LOC122455340: variants seen among roughly 807,000 people sequenced by gnomAD.
the LOC122455340 span, chr12:53,242,375 T>C: frequency 1.0e-5 from 4 of 397,694 alleles, no homozygotes; most frequent in South Asian, 5.1e-4. Context: ...CAGGCTCCCT[T>C]GGCTGCTGTA....
At chr12:53,242,359 G>C in the LOC122455340 span, 1 of 397,828 alleles carries the variant, frequency 2.5e-6, no homozygotes, top group Non-Finnish European at 4.4e-6. Flanking sequence ...GCTGCCTGGG[G>C]ACCTCCAGGC....
At chr12:53,242,613 T>C in the LOC122455340 span, 1 of 394,480 alleles carries the variant, frequency 2.5e-6, no homozygotes, top group African/African-American at 2.1e-5. Context: ...AGGGGGAATC[T>C]GCTTTGAAGT....
At chr12:53,241,925 G>A in the LOC122455340 span, 7 of 398,682 alleles carry the variant, frequency 1.8e-5, no homozygotes, top group African/African-American at 4.1e-5. Context: ...GCAGCTGAAT[G>A]GACTTCTCTC....
chr12:53,242,361 C>T, the LOC122455340 span: 3 of 397,802 alleles, frequency 7.5e-6, no homozygotes, highest in Non-Finnish European at 1.3e-5. Flanking sequence ...TGCCTGGGGA[C>T]CTCCAGGCTC....
the LOC122455340 span, chr12:53,242,218 T>C: frequency 2.5e-6 from 1 of 399,958 alleles, no homozygotes; most frequent in South Asian, 1.3e-4. Context: ...AACTCCTGTG[T>C]CTCATGCTCC....
At chr12:53,241,979 A>G in the LOC122455340 span, 1 of 398,998 alleles carries the variant, frequency 2.5e-6, no homozygotes, top group Non-Finnish European at 4.4e-6. Context: ...CTGCCCACCA[A>G]GAGCCTCCTG....
At chr12:53,242,703 C>T in the LOC122455340 span, 24 of 321,340 alleles carry the variant, frequency 7.5e-5, no homozygotes, top group African/African-American at 4.7e-4. Context: ...TTCTCAGAGC[C>T]TCCCCCACGG....
At chr12:53,242,461 G>C in the LOC122455340 span, 1 of 398,332 alleles carries the variant, frequency 2.5e-6, no homozygotes, top group Non-Finnish European at 4.4e-6. Flanking sequence ...TGCCCACCAG[G>C]AGACTGTCAG....
chr12:53,242,049 T>G, the LOC122455340 span: 1 of 399,894 alleles, frequency 2.5e-6, no homozygotes, highest in Non-Finnish European at 4.4e-6. Flanking sequence ...CCCATCTGCC[T>G]GTGCCTTCCC....
chr12:53,242,063 C>T, the LOC122455340 span: 16 of 400,464 alleles, frequency 4.0e-5, no homozygotes, highest in East Asian at 5.7e-4. Context: ...CCTTCCCCTG[C>T]CATGGCTGTC....
the LOC122455340 span, chr12:53,242,406 C>T: frequency 2.5e-6 from 1 of 397,146 alleles, no homozygotes; most frequent in South Asian, 1.3e-4. Flanking sequence ...CAGGGGACAA[C>T]AACGCACTTC....
chr12:53,242,086 G>C, the LOC122455340 span: 1 of 397,632 alleles, frequency 2.5e-6, no homozygotes, highest in African/African-American at 2.1e-5. Context: ...CCACCCCCAT[G>C]CTCCTGCACT....
the LOC122455340 span, chr12:53,242,240 G>C: frequency 2.5e-6 from 1 of 399,930 alleles, no homozygotes; most frequent in Admixed American, 4.4e-5. Flanking sequence ...GTCCACCCTT[G>C]ACCTGCTGCC....
chr12:53,242,231 T>C, the LOC122455340 span: 19 of 400,014 alleles, frequency 4.7e-5, no homozygotes, highest in African/African-American at 3.3e-4. Context: ...CATGCTCCGG[T>C]CCACCCTTGA....
At chr12:53,242,368 G>A in the LOC122455340 span, 2 of 397,718 alleles carry the variant, frequency 5.0e-6, no homozygotes, top group Non-Finnish European at 8.8e-6. Flanking sequence ...GGACCTCCAG[G>A]CTCCCTTGGC....
the LOC122455340 span, chr12:53,242,042 A>G: frequency 1.8e-5 from 7 of 395,434 alleles, no homozygotes; most frequent in Non-Finnish European, 3.1e-5. Context: ...CCTGTCCCCC[A>G]TCTGCCTGTG....
At chr12:53,242,515 G>A in the LOC122455340 span, 2 of 398,100 alleles carry the variant, frequency 5.0e-6, no homozygotes, top group East Asian at 7.1e-5. Context: ...AAGGAGGCAG[G>A]AGCTGGGTGG....
At chr12:53,242,424 C>A in the LOC122455340 span, 1 of 395,712 alleles carries the variant, frequency 2.5e-6, no homozygotes, top group African/African-American at 2.1e-5. Context: ...TTCTCGGGGG[C>A]GCTGTCTGAT....
chr12:53,242,630 C>T, the LOC122455340 span: 7 of 390,574 alleles, frequency 1.8e-5, no homozygotes, highest in Non-Finnish European at 3.2e-5. Flanking sequence ...AAGTTAGTTT[C>T]TGGATGTGCT....
Sources: gnomAD v4.1 joint callset for allele counts on GRCh38, gnomAD v4.1.1 for gene constraint, MANE v1.5 for transcripts.